Variants in PIGR observed in about 807,000 individuals in gnomAD.
The protein encoded by PIGR is hepatocellular carcinoma associated protein TB6.
In PIGR, 22 loss-of-function variants were observed where a neutral mutation model predicts 69.5. The observed-to-expected ratio is 0.32, with a 90% CI of 0.23 to 0.45. PIGR has a LOEUF of 0.45. Ranked by LOEUF, PIGR falls within the 20% of genes least tolerant of loss-of-function variation. The pLI, the probability that PIGR is intolerant of heterozygous loss-of-function variation, is 1.00. For synonymous variants in PIGR, 413 were observed against 407.6 expected, an observed-to-expected ratio of 1.01 and a Z score of -0.16; for missense variants, 885 against 974.0, an observed-to-expected ratio of 0.91 and a Z score of 1.22.
intron 1 of PIGR, among the ~76,000 whole-genome samples, chr1:206,942,999 T>C (rs1353258034): frequency 6.6e-6 from 1 of 152,180 alleles, no homozygotes; most frequent in East Asian, 1.9e-4. Flanking sequence ...TGAAAGGACC[T>C]CGAGCTTTCA....
intron 8 of PIGR, 141 bp downstream of exon 8, chr1:206,932,315 C>G: frequency 9.6e-7 from 1 of 1,040,700 alleles, no homozygotes; most frequent in Non-Finnish European, 1.4e-6. Flanking sequence ...GTGGGTTTAT[C>G]TTTCCCCATC....
In PIGR at chr1:206,932,644, A is replaced by G. The variant is rs1435955448; in HGVS notation, c.1887-67T>C. 4 of 1,519,022 alleles carry G rather than the reference A, an allele frequency of 2.6e-6. No individual in the cohort carries two copies. In the African/African-American group the frequency reaches 5.5e-5, roughly 21 times the overall value. The allele number at this position is 1,519,022 out of a possible 1,614,324, so 94.1% of individuals were successfully genotyped here. On this transcript the variant is annotated intron_variant, in intron 7 of 10. Transcript: ENST00000356495. ...CTGGGGGCCCGACGATGTGCTGGCA[A>G]GGTTGGCTTAGTCCTTTTTCCTCCC... is the stretch of plus-strand genomic sequence containing the variant.
At chr1:206,937,833 A>G in intron 3 of PIGR, 82 bp from the exon 4 acceptor site, 1 of 1,294,484 alleles carries the variant, frequency 7.7e-7, no homozygotes. Context: ...TGCTATTCCT[A>G]GTTAGGGTGT....
intron 2 of PIGR, 55 bp downstream of exon 2, chr1:206,940,434 G>T (rs900648836): frequency 5.3e-6 from 8 of 1,515,502 alleles, no homozygotes; most frequent in Non-Finnish European, 7.2e-6. Context: ...GTGAACCCTG[G>T]AGTCGGGCAG....
At chr1:206,940,382 G>T in intron 2 of PIGR, 107 bp downstream of exon 2, 1 of 1,040,144 alleles carries the variant, frequency 9.6e-7, no homozygotes, top group Non-Finnish European at 1.4e-6. Flanking sequence ...CTTTGAGAGG[G>T]ACATCCCTGG....
chr1:206,939,443 T>C lies in PIGR; in HGVS notation c.64A>G (p.Ile22Val), dbSNP rs1457365458. The change falls in exon 3 of 11, where the codon ATA becomes GTA. Residue 22 changes from isoleucine (I) to valine (V), a missense_variant. Transcript: ENST00000356495. ...VFPAISTKSP[I>V]FGPEEVNSVE... ...CTATTCACCTCCTCGGGACCAAATATGGGACTCTTCGTGGAGATGGCTGTG... is the reference window on the plus strand; with the variant it reads ...CTATTCACCTCCTCGGGACCAAATACGGGACTCTTCGTGGAGATGGCTGTG... 1.2e-6 allele frequency: 2 copies of C among 1,603,052 alleles called. No individual in the cohort carries two copies. The highest frequency in any genetic ancestry group is 1.3e-5 in the African/African-American group (1 of 74,864).
At chr1:206,932,317 T>C in intron 8 of PIGR, 139 bp downstream of exon 8, 1 of 1,052,094 alleles carries the variant, frequency 9.5e-7, no homozygotes, top group South Asian at 1.8e-5. Context: ...GGGTTTATCT[T>C]TCCCCATCCT....
chr1:206,932,402 A>T, intron 8 of PIGR, 54 bp downstream of exon 8: 1 of 1,560,150 alleles, frequency 6.4e-7, no homozygotes. Flanking sequence ...TGGATGATTC[A>T]GGACTGAGGG....
At chr1:206,941,688 C>G (rs150295601) in intron 1 of PIGR, among the ~76,000 whole-genome samples, 61 of 152,354 alleles carry the variant, frequency 4.0e-4, no homozygotes, top group Middle Eastern at 3.4e-3. Context: ...GACGGAGCAG[C>G]CTGTGTGGAC....
In PIGR at chr1:206,939,392, T is replaced by A. The variant is rs1466886549; in HGVS notation, c.115A>T (p.Thr39Ser). The change falls in exon 3 of 11, where the codon ACG becomes TCG. Residue 39 changes from threonine to serine, a missense_variant. By Grantham distance (58) the Thr-to-Ser change is moderately conservative (BLOSUM62 1). Transcript: ENST00000356495. ...NSVEGNSVSITCYYPPTSVNR... is the reference protein window; with the variant it reads ...NSVEGNSVSISCYYPPTSVNR... ...ACAGAGGTGGGTGGGTAGTAGCACG[T>A]GATGGACACTGAGTTACCTTCCACA... The A allele has an allele frequency of 1.6e-5, 26 of 1,614,030 alleles. No individual in the cohort carries two copies. Among genetic ancestry groups the A allele is most frequent in the Non-Finnish European group, 4.2e-6 (5 of 1,180,020 alleles).
At chr1:206,942,181 C>T (rs898393538) in intron 1 of PIGR, among the ~76,000 whole-genome samples, 16 of 152,212 alleles carry the variant, frequency 1.1e-4, no homozygotes, top group African/African-American at 3.6e-4. Context: ...CAGATGGCAA[C>T]GTTGAGGCTC....
intron 1 of PIGR, among the ~76,000 whole-genome samples, chr1:206,941,688 C>A (rs150295601): frequency 6.6e-6 from 1 of 152,236 alleles, no homozygotes; most frequent in Non-Finnish European, 1.5e-5. Context: ...GACGGAGCAG[C>A]CTGTGTGGAC....
Position 206,932,332 on chromosome 1 carries a change from T to C in PIGR, c.2008+124A>G. On this transcript the variant is annotated intron_variant, in intron 8 of 10. Transcript: ENST00000356495. ...GGGTTTATCTTTCCCCATCCTGCTT[T>C]CTCGGGATCCTTTGTTTTAGCTCAT... is the stretch of plus-strand genomic sequence containing the variant. The C allele has an allele frequency of 7.6e-6, 9 of 1,185,302 alleles. No homozygotes were observed. The South Asian group carries it at 1.6e-4, about 21-fold the overall frequency. The allele number at this position is 1,185,302 out of a possible 1,614,324, so 73.4% of individuals were successfully genotyped here. A position where few individuals can be genotyped will look rare whatever the true frequency, so the allele number is the denominator to read the frequency against.
At chr1:206,939,833 T>C (rs1446361155) in intron 2 of PIGR, among the ~76,000 whole-genome samples, 1 of 152,206 alleles carries the variant, frequency 6.6e-6, no homozygotes, top group Non-Finnish European at 1.5e-5. Flanking sequence ...TTCAAGCGAT[T>C]CTCATGCCTC....
In PIGR at chr1:206,928,594, TG is replaced by T. The variant is rs1177908822; in HGVS notation, c.*1723del. 1 of 152,674 alleles carries T rather than the reference TG, an allele frequency of 6.5e-6. No homozygotes were observed. The highest frequency in any genetic ancestry group is 1.5e-5 in the Non-Finnish European group (1 of 68,048). 9.5% of individuals were successfully genotyped at this position (152,674 alleles called of 1,614,324 possible). On this transcript the variant is annotated 3_prime_UTR_variant, in exon 11 of 11. Transcript: ENST00000356495. ...TGTTAGCAAGTGCCAGCTTGTAGGC[TG>T]GTTGAAGTACAGAACTCAGAGGAAA...
Position 206,939,466 on chromosome 1 carries a change from G to A in PIGR, c.44-3C>T. ...TATGGGACTCTTCGTGGAGATGGCTGTGGGAACAGAAGAGAGAGGCTTTCT... is the reference window on the plus strand; with the variant it reads ...TATGGGACTCTTCGTGGAGATGGCTATGGGAACAGAAGAGAGAGGCTTTCT... On this transcript the variant is annotated splice_polypyrimidine_tract_variant and splice_region_variant and intron_variant, in intron 2 of 10. Coordinates refer to ENST00000356495, the MANE Select transcript of PIGR (RefSeq NM_002644.4). 4 of 1,587,498 alleles carry A rather than the reference G, an allele frequency of 2.5e-6. No individual in the cohort carries two copies. Among genetic ancestry groups the A allele is most frequent in the African/African-American group, 1.3e-5 (1 of 74,650 alleles).
chr1:206,935,432 G>A lies in PIGR; in HGVS notation c.1378+54C>T. On this transcript the variant is annotated intron_variant, in intron 5 of 10. Coordinates refer to ENST00000356495, the MANE Select transcript of PIGR (RefSeq NM_002644.4). This position sits in a 1 kb window ranked among gnomAD's most constrained non-coding sequence, Gnocchi z 4.4. The stretch of plus-strand genomic sequence containing the variant: ...AAAAGGAGGAAGAGTGGTTGGGGAT[G>A]CTGCTGCTGGCTGGAGAGGTTTTAG... 7.0e-7 allele frequency: 1 copy of A among 1,425,540 alleles called. No homozygotes were observed. The highest frequency in any genetic ancestry group is 1.2e-5 in the South Asian group (1 of 80,402). 88.3% of individuals were successfully genotyped at this position (1,425,540 alleles called of 1,614,324 possible).
In PIGR at chr1:206,930,953, C is replaced by G. The variant is rs991031497; in HGVS notation, c.2200-540G>C. ...GCATGAGATGTTATTTTTCTTGGTCCCCTGAGTCCTAGGGCAGATTGAGGG... is the reference window on the plus strand; with the variant it reads ...GCATGAGATGTTATTTTTCTTGGTCGCCTGAGTCCTAGGGCAGATTGAGGG... On this transcript the variant is annotated intron_variant, in intron 10 of 10. Transcript: ENST00000356495. The surrounding 1 kb of genome is among the most constrained non-coding windows in gnomAD (Gnocchi z 4.3). 4.1e-6 allele frequency: 4 copies of G among 985,232 alleles called. No individual in the cohort carries two copies. In the African/African-American group the frequency reaches 7.0e-5, roughly 17 times the overall value. 61.0% of individuals were successfully genotyped at this position (985,232 alleles called of 1,614,324 possible).
chr1:206,936,679 T>G (rs982285200), intron 4 of PIGR, among the ~76,000 whole-genome samples: 6 of 152,158 alleles, frequency 3.9e-5, no homozygotes, highest in Non-Finnish European at 7.3e-5. Context: ...GGGAACGCAT[T>G]GAGACCAAGA....
Sources: allele counts gnomAD v4.1 joint callset (sites outside exome capture counted in the v4.1 genomes callset), GRCh38; gene constraint gnomAD v4.1.1; non-coding constraint Gnocchi (gnomAD v3.1); transcripts MANE v1.5; gene names NCBI Gene and HGNC (gene_info 2026-07-23, HGNC 2026-07-21).